DNAH14: variants seen among roughly 807,000 people sequenced by gnomAD.
The protein encoded by DNAH14 is axonemal beta dynein heavy chain 14.
A neutral mutation model predicts 520.9 loss-of-function variants in DNAH14; 478 were observed. The ratio of observed to expected loss-of-function variants is 0.92; its 90% CI spans 0.85 to 0.99. The LOEUF (loss-of-function observed/expected upper bound fraction) is 0.99, where lower values mean the gene tolerates loss of function less well. Among genes scored for constraint, DNAH14 ranks in the 50% least tolerant of loss-of-function variants. The pLI is 0.00. For missense variants in DNAH14, 4,831 were observed against 5,234.5 expected, an observed-to-expected ratio of 0.92 and a Z score of 2.38; for synonymous variants, 1,581 against 1,757.2, an observed-to-expected ratio of 0.90 and a Z score of 2.51.
chr1:225,172,464 C>A (rs1050634955), intron 36 of DNAH14, among the ~76,000 whole-genome samples: 3 of 152,050 alleles, frequency 2.0e-5, no homozygotes, highest in Non-Finnish European at 4.4e-5. Context: ...TCTTATACAC[C>A]AATAACAGAC....
chr1:225,081,263 G>C (rs1012573959), intron 19 of DNAH14, among the ~76,000 whole-genome samples: 3 of 151,998 alleles, frequency 2.0e-5, no homozygotes, highest in African/African-American at 4.8e-5. Context: ...GAATATCTTT[G>C]CTTTTTTTAA....
At chr1:225,179,638 T>C (rs1246257382) in intron 36 of DNAH14, among the ~76,000 whole-genome samples, 1 of 152,224 alleles carries the variant, frequency 6.6e-6, no homozygotes, top group Non-Finnish European at 1.5e-5. Flanking sequence ...AAGATATGAG[T>C]ATTTTACACA....
At chr1:224,952,985 C>A (rs112411860) in intron 2 of DNAH14, 17,876 of 364,434 alleles carry the variant, frequency 0.049, 610 homozygotes, top group Non-Finnish European at 0.061. Context: ...GCTCCTTCCC[C>A]CAGACCAACC....
chr1:224,968,189 A>C (rs973917939), intron 6 of DNAH14, among the ~76,000 whole-genome samples: 85 of 152,060 alleles, frequency 5.6e-4, no homozygotes, highest in Non-Finnish European at 1.0e-3. Context: ...TGGAGGAAAA[A>C]CTTCTATAGA....
At chr1:225,074,221 G>T (rs1418650045) in intron 17 of DNAH14, among the ~76,000 whole-genome samples, 1 of 149,452 alleles carries the variant, frequency 6.7e-6, no homozygotes, top group Non-Finnish European at 1.5e-5. Context: ...GGATGGTCTC[G>T]ATCTCCTGAC....
chr1:224,966,072 T>G (rs1217826918), intron 5 of DNAH14, among the ~76,000 whole-genome samples: 1 of 152,124 alleles, frequency 6.6e-6, no homozygotes, highest in Non-Finnish European at 1.5e-5. Context: ...GAAACCTAAT[T>G]TAGAATATAG....
At chr1:225,273,756 G>A (rs2093380873) in intron 52 of DNAH14, among the ~76,000 whole-genome samples, 2 of 152,032 alleles carry the variant, frequency 1.3e-5, no homozygotes, top group Non-Finnish European at 2.9e-5. Context: ...TTTTCTTACT[G>A]CCTGTCTTTT....
chr1:225,094,673 A>AC (rs2074746445), intron 21 of DNAH14, among the ~76,000 whole-genome samples: 1 of 98,870 alleles, frequency 1.0e-5, no homozygotes, highest in Non-Finnish European at 1.7e-5. Flanking sequence ...AAAAAAAAAA[A>AC]AAAAACAACA....
At chr1:225,054,952 C>T (rs2068886498) in intron 17 of DNAH14, among the ~76,000 whole-genome samples, 1 of 151,934 alleles carries the variant, frequency 6.6e-6, no homozygotes, top group Non-Finnish European at 1.5e-5. Context: ...ACATTTAATG[C>T]ACTTTTTTTC....
At chr1:225,202,536 A>G (rs889306241) in intron 38 of DNAH14, among the ~76,000 whole-genome samples, 2 of 152,150 alleles carry the variant, frequency 1.3e-5, no homozygotes, top group Admixed American at 6.5e-5. Context: ...TCTCACTCCC[A>G]CTGTGTCCCC....
chr1:224,968,809 G>T lies in DNAH14; in HGVS notation c.702G>T (p.Leu234Phe). 1 of 1,541,364 alleles carries T rather than the reference G, an allele frequency of 6.5e-7. No individual in the cohort carries two copies. The highest frequency in any genetic ancestry group is 8.7e-7 in the Non-Finnish European group (1 of 1,143,076). ...AGGAAGTAGAACTCATACCTACTTT[G>T]GAATGGCTATCAGAAAGAAGACATT... Reference protein sequence around the residue: ...SVKEVELIPTLEWLSERRHYY... With the variant: ...SVKEVELIPTFEWLSERRHYY... The change falls in exon 7 of 86, where the codon TTG becomes TTT. Residue 234 changes from leucine (L) to phenylalanine (F), a missense_variant. Leu to Phe is a conservative substitution (Grantham distance 22, BLOSUM62 0). Coordinates refer to ENST00000682510, the MANE Select transcript of DNAH14 (RefSeq NM_001367479.1).
chr1:225,085,831 G>C, intron 21 of DNAH14, 42 bp downstream of exon 21: 2 of 1,472,064 alleles, frequency 1.4e-6, no homozygotes, highest in Non-Finnish European at 1.8e-6. Context: ...TTTTTCTGTA[G>C]TTTTATTTAT....
intron 36 of DNAH14, among the ~76,000 whole-genome samples, chr1:225,182,891 A>G (rs2084213970): frequency 6.6e-6 from 1 of 152,128 alleles, no homozygotes; most frequent in South Asian, 2.1e-4. Context: ...TCCCAAATAA[A>G]ATTCTGTGGT....
At position 225,265,349 on chromosome 1, in the gene DNAH14, G is replaced by A; in HGVS notation, c.7390G>A (p.Gly2464Arg). The A allele has an allele frequency of 6.5e-7, 1 of 1,534,122 alleles. No individual in the cohort carries two copies. The highest frequency in any genetic ancestry group is 1.3e-5 in the South Asian group (1 of 79,608). ...AATAAGAAGAACTAAAGATACTCTT[G>A]GAGCACCAAAAAACAACCGGGTAAA... ...KLIRRTKDTLGAPKNNRILIF... is the reference protein window; with the variant it reads ...KLIRRTKDTLRAPKNNRILIF... The change falls in exon 48 of 86, where the codon GGA becomes AGA. Residue 2464 changes from glycine (G) to arginine (R), a missense_variant. By Grantham distance (125) the Gly-to-Arg change is moderately radical. Transcript: ENST00000682510.
intron 21 of DNAH14, among the ~76,000 whole-genome samples, chr1:225,090,466 A>G (rs1373239418): frequency 6.6e-6 from 1 of 152,194 alleles, no homozygotes; most frequent in Admixed American, 6.5e-5. Context: ...TTGGAGCATT[A>G]AAACTACCTA....
chr1:225,076,911 A>G (rs920146073), intron 17 of DNAH14, among the ~76,000 whole-genome samples: 3 of 151,998 alleles, frequency 2.0e-5, no homozygotes, highest in African/African-American at 7.3e-5. Context: ...CATCATTTAC[A>G]TTAAGTATTT....
chr1:225,067,291 A>T (rs1006201562), intron 17 of DNAH14, among the ~76,000 whole-genome samples: 1 of 152,148 alleles, frequency 6.6e-6, no homozygotes, highest in Non-Finnish European at 1.5e-5. Context: ...TGCACAGAAC[A>T]TGATCTCATT....
chr1:225,157,273 T>C (rs74366745), intron 34 of DNAH14, among the ~76,000 whole-genome samples: 173 of 152,294 alleles, frequency 1.1e-3, no homozygotes, highest in African/African-American at 4.0e-3. Context: ...TCTCCAAGTA[T>C]ACACTTAAAA....
chr1:225,212,778 G>A (rs1004419466), intron 41 of DNAH14, among the ~76,000 whole-genome samples: 3 of 151,936 alleles, frequency 2.0e-5, no homozygotes, highest in South Asian at 2.1e-4. Flanking sequence ...TTGTAAATTC[G>A]TTTAACTTCT....
Sources: gnomAD v4.1 joint callset for allele counts (sites outside exome capture counted in the v4.1 genomes callset) on GRCh38, gnomAD v4.1.1 for gene constraint, MANE v1.5 for transcripts, NCBI Gene and HGNC (gene_info 2026-07-23, HGNC 2026-07-21) for gene names.